Variants in PCCA observed in about 807,000 individuals in gnomAD.
PCCA encodes the protein propionyl-CoA carboxylase subunit alpha, also known as propionyl-CoA carboxylase alpha chain, mitochondrial.
PCCA carries 74 observed loss-of-function variants against 101.3 expected under a neutral mutation model. The ratio of observed to expected loss-of-function variants is 0.73; its 90% CI spans 0.61 to 0.89. The LOEUF is 0.89. Ranked by LOEUF, PCCA falls within the 40% of genes least tolerant of loss-of-function variation. The pLI is 0.00. For synonymous variants in PCCA, 294 were observed against 313.6 expected (o/e 0.94, Z 0.66); for missense variants, 891 against 907.0 (o/e 0.98, Z 0.23).
At chr13:100,512,695 C>T (rs1257994142) in intron 21 of PCCA, among the ~76,000 whole-genome samples, 1 of 152,234 alleles carries the variant, frequency 6.6e-6, no homozygotes, top group Non-Finnish European at 1.5e-5. Context: ...TTCTGGGATC[C>T]TACTACTCTG....
Position 100,437,198 on chromosome 13 carries a change from G to A in PCCA, c.1845+11467G>A, listed in dbSNP as rs183062949. Among the ~76,000 whole-genome samples the A allele has an allele frequency of 6.6e-5, 10 of 152,256 alleles. No homozygotes were observed. The East Asian group carries it at 1.9e-3, about 29-fold the overall frequency. On this transcript the variant is annotated intron_variant, in intron 20 of 23. Coordinates refer to ENST00000376285, the MANE Select transcript of PCCA (RefSeq NM_000282.4). ...TTCTCACTGTCCGTTGCTGGGTGAG[G>A]TCATATCAGCTCTTACTCCCACAGA...
chr13:100,388,612 A>G (rs1481472231), intron 19 of PCCA, among the ~76,000 whole-genome samples: 2 of 152,222 alleles, frequency 1.3e-5, no homozygotes, highest in African/African-American at 2.4e-5. Context: ...TCTGGCCAAC[A>G]TGGTGAAACC....
rs1594361087 is a variant in PCCA at position 100,147,000 on chromosome 13, G to A, written c.301-7979G>A. On this transcript the variant is annotated intron_variant, in intron 4 of 23. Coordinates refer to ENST00000376285, the MANE Select transcript of PCCA (RefSeq NM_000282.4). ...ACTGGGTAGCAGTTAAAAATTATGA[G>A]GTAGAATTCTAAAAAAAAAAAAAAC... 9.4e-5 allele frequency among the ~76,000 whole-genome samples: 13 copies of A among 138,376 alleles called. No individual in the cohort carries two copies. The South Asian group carries it at 2.9e-3, about 31-fold the overall frequency. The allele number at this position is 138,376 out of a possible 152,430, so 90.8% of individuals were successfully genotyped here.
intron 7 of PCCA, among the ~76,000 whole-genome samples, chr13:100,214,686 A>T (rs1442252804): frequency 2.0e-5 from 3 of 152,124 alleles, no homozygotes; most frequent in African/African-American, 2.4e-5. Flanking sequence ...TCTGCCTCCC[A>T]AAGTGCTGGG....
intron 16 of PCCA, among the ~76,000 whole-genome samples, chr13:100,321,998 G>A (rs1156886118): frequency 2.0e-5 from 3 of 152,074 alleles, no homozygotes; most frequent in Non-Finnish European, 4.4e-5. Flanking sequence ...TGCCCTGCTC[G>A]CTCAAACACA....
intron 10 of PCCA, chr13:100,268,441 G>T: frequency 1.9e-6 from 1 of 527,450 alleles, no homozygotes; most frequent in Admixed American, 3.0e-5. Context: ...TGTTTTACTC[G>T]TTGTATTTGA....
intron 6 of PCCA, among the ~76,000 whole-genome samples, chr13:100,169,161 G>T (rs1011540867): frequency 2.0e-5 from 3 of 152,038 alleles, no homozygotes; most frequent in African/African-American, 7.2e-5. Context: ...CCTTAATTTG[G>T]CCAGGCGCAG....
At chr13:100,139,847 T>C (rs1327964297) in intron 4 of PCCA, among the ~76,000 whole-genome samples, 1 of 152,142 alleles carries the variant, frequency 6.6e-6, no homozygotes, top group Non-Finnish European at 1.5e-5. Flanking sequence ...TTTTAGGATG[T>C]TAATATTTTT....
intron 17 of PCCA, among the ~76,000 whole-genome samples, chr13:100,333,378 A>G (rs2069939871): frequency 6.6e-6 from 1 of 152,210 alleles, no homozygotes; most frequent in Non-Finnish European, 1.5e-5. Flanking sequence ...CAGCTATCCT[A>G]GGCACTATTC....
intron 22 of PCCA, among the ~76,000 whole-genome samples, chr13:100,521,918 A>G (rs979980041): frequency 6.6e-6 from 1 of 152,242 alleles, no homozygotes; most frequent in Non-Finnish European, 1.5e-5. Context: ...ATTTGGCAGA[A>G]AAACACAGAA....
At chr13:100,135,274 C>A (rs1242151881) in intron 4 of PCCA, among the ~76,000 whole-genome samples, 2 of 151,786 alleles carry the variant, frequency 1.3e-5, no homozygotes, top group East Asian at 3.9e-4. Flanking sequence ...TACCTGTAGT[C>A]CTAGCTGCTC....
At chr13:100,089,284 T>G in intron 1 of PCCA, 59 bp downstream of exon 1, 1 of 1,367,598 alleles carries the variant, frequency 7.3e-7, no homozygotes, top group Non-Finnish European at 9.4e-7. Flanking sequence ...CCGTGCCGCC[T>G]CTGGGCGGCT....
intron 7 of PCCA, among the ~76,000 whole-genome samples, chr13:100,214,619 G>C (rs1203315157): frequency 6.6e-6 from 1 of 151,776 alleles, no homozygotes; most frequent in Non-Finnish European, 1.5e-5. Flanking sequence ...GTAGAGACGG[G>C]GTTTTACCAT....
intron 17 of PCCA, among the ~76,000 whole-genome samples, chr13:100,331,695 T>C (rs1467824937): frequency 6.6e-6 from 1 of 152,168 alleles, no homozygotes; most frequent in African/African-American, 2.4e-5. Context: ...ATTTATTAGG[T>C]TGTTTTTCAT....
chr13:100,130,880 G>A (rs1033272589), intron 4 of PCCA, among the ~76,000 whole-genome samples: 10 of 152,272 alleles, frequency 6.6e-5, no homozygotes, highest in African/African-American at 1.7e-4. Flanking sequence ...ACCTATTTGT[G>A]AAGGTTTCGT....
At chr13:100,333,349 C>G (rs2152740023) in intron 17 of PCCA, among the ~76,000 whole-genome samples, 1 of 152,332 alleles carries the variant, frequency 6.6e-6, no homozygotes, top group African/African-American at 2.4e-5. Context: ...TGGGGTTTCC[C>G]ATCTGCTTCC....
intron 6 of PCCA, chr13:100,161,162 T>TA (rs934154064): frequency 6.6e-6 from 1 of 152,182 alleles, no homozygotes; most frequent in African/African-American, 2.4e-5. Flanking sequence ...AGGTAATTTT[T>TA]AAAATAGCCA....
intron 21 of PCCA, among the ~76,000 whole-genome samples, chr13:100,458,011 A>T (rs1038932060): frequency 2.6e-5 from 4 of 152,154 alleles, no homozygotes; most frequent in Non-Finnish European, 2.9e-5. Flanking sequence ...CCTGATACAT[A>T]GTCTGGGAAC....
At chr13:100,158,461 C>T (rs1026431470) in intron 6 of PCCA, among the ~76,000 whole-genome samples, 1 of 152,136 alleles carries the variant, frequency 6.6e-6, no homozygotes, top group African/African-American at 2.4e-5. Flanking sequence ...AAAACTAAGG[C>T]CTAAAGAGAT....
Sources: gnomAD v4.1 joint callset for allele counts (sites outside exome capture counted in the v4.1 genomes callset) on GRCh38, gnomAD v4.1.1 for gene constraint, MANE v1.5 for transcripts, NCBI Gene and HGNC (gene_info 2026-07-23, HGNC 2026-07-21) for gene names.